Variants in FBXW7 observed in about 807,000 individuals in gnomAD.
FBXW7 encodes the protein F-box/WD repeat-containing protein 7.
In FBXW7, 11 loss-of-function variants were observed where a neutral mutation model predicts 86.3. The observed-to-expected ratio is 0.13, with a 90% confidence interval of 0.08 to 0.21. FBXW7 has a LOEUF of 0.21. Among genes scored for constraint, FBXW7 ranks in the 10% least tolerant of loss-of-function variants. The pLI, the probability that FBXW7 is intolerant of heterozygous loss-of-function variation, is 1.00. For synonymous variants in FBXW7, 313 were observed against 297.9 expected, an observed-to-expected ratio of 1.05 and a Z score of -0.52; for missense variants, 488 against 847.4, an observed-to-expected ratio of 0.58 and a Z score of 5.27.
At position 152,346,893 on chromosome 4, in the gene FBXW7, A is replaced by C. The variant is rs1434179306; in HGVS notation, c.726+37T>G. The C allele has an allele frequency of 5.0e-6, 8 of 1,609,280 alleles. No individual in the cohort carries two copies. In the African/African-American group the frequency reaches 1.1e-4, roughly 22 times the overall value. On this transcript the variant is annotated intron_variant, in intron 6 of 13. Coordinates refer to ENST00000281708, the MANE Select transcript of FBXW7 (RefSeq NM_001349798.2). ...ATAATCCCTTATTTTGCAGCAATTA[A>C]GTGAGGCATTTCAAGTACTATGTTT...
chr4:152,462,083 T>C (rs1056992842), intron 2 of FBXW7, among the ~76,000 whole-genome samples: 2 of 152,178 alleles, frequency 1.3e-5, no homozygotes, highest in Non-Finnish European at 2.9e-5. Context: ...TCTTTCACCT[T>C]CCAGCTGCTT....
At chr4:152,446,038 C>T (rs1741362466) in intron 2 of FBXW7, among the ~76,000 whole-genome samples, 1 of 151,708 alleles carries the variant, frequency 6.6e-6, no homozygotes, top group Non-Finnish European at 1.5e-5. Context: ...CTGCACAGCG[C>T]TTATCTAATA....
At chr4:152,499,323 A>G (rs1746684175) in intron 2 of FBXW7, among the ~76,000 whole-genome samples, 1 of 152,184 alleles carries the variant, frequency 6.6e-6, no homozygotes. Context: ...TCTGATCAAT[A>G]AAGCCTAGGT....
At chr4:152,449,427 T>C (rs1379611038) in intron 2 of FBXW7, among the ~76,000 whole-genome samples, 1 of 152,204 alleles carries the variant, frequency 6.6e-6, no homozygotes, top group Non-Finnish European at 1.5e-5. Flanking sequence ...ATACTTTATG[T>C]AGACTTGAGA....
intron 2 of FBXW7, among the ~76,000 whole-genome samples, chr4:152,520,010 T>C (rs148871424): frequency 9.8e-5 from 15 of 152,360 alleles, no homozygotes; most frequent in Admixed American, 9.8e-4. Flanking sequence ...GGACAGTTCC[T>C]GACATACAGT....
intron 2 of FBXW7, among the ~76,000 whole-genome samples, chr4:152,517,226 A>T (rs572934275): frequency 3.3e-5 from 5 of 152,290 alleles, no homozygotes; most frequent in Admixed American, 1.3e-4. Context: ...TGGTTTTTTT[A>T]AAAAAGTTAA....
intron 2 of FBXW7, among the ~76,000 whole-genome samples, chr4:152,520,991 CAAGAT>C (rs1180532000): frequency 6.6e-6 from 1 of 152,138 alleles, no homozygotes; most frequent in East Asian, 1.9e-4. Flanking sequence ...ACAAAGGTGA[CAAGAT>C]AATGTGTGGT....
intron 2 of FBXW7, among the ~76,000 whole-genome samples, chr4:152,464,243 G>C (rs1329434946): frequency 6.6e-6 from 1 of 152,210 alleles, no homozygotes; most frequent in Non-Finnish European, 1.5e-5. Flanking sequence ...CAACCTTGGA[G>C]ATAATGGGAA....
chr4:152,366,702 C>T (rs946851070), intron 4 of FBXW7, among the ~76,000 whole-genome samples: 2 of 152,080 alleles, frequency 1.3e-5, no homozygotes, highest in Non-Finnish European at 2.9e-5. Flanking sequence ...TAAACTAGTT[C>T]AACCATTGTG....
At chr4:152,508,654 CA>C (rs1206694443) in intron 2 of FBXW7, among the ~76,000 whole-genome samples, 102 of 95,388 alleles carry the variant, frequency 1.1e-3, no homozygotes, top group Admixed American at 1.2e-3. Context: ...CGTGCCACTG[CA>C]AAAAAAAAAA....
At chr4:152,432,965 A>G (rs1342849435) in intron 2 of FBXW7, among the ~76,000 whole-genome samples, 1 of 152,090 alleles carries the variant, frequency 6.6e-6, no homozygotes, top group Non-Finnish European at 1.5e-5. Flanking sequence ...TCATTTTTAT[A>G]TGATGTTTAT....
At chr4:152,464,200 T>C (rs1473192272) in intron 2 of FBXW7, among the ~76,000 whole-genome samples, 2 of 151,522 alleles carry the variant, frequency 1.3e-5, no homozygotes, top group Non-Finnish European at 2.9e-5. Context: ...GAGTAAGAGT[T>C]GAGAAATTGG....
intron 2 of FBXW7, among the ~76,000 whole-genome samples, chr4:152,487,441 T>C (rs1745446067): frequency 6.6e-6 from 1 of 152,072 alleles, no homozygotes; most frequent in South Asian, 2.1e-4. Context: ...TAAATCTTGA[T>C]GTAAATAAAC....
chr4:152,327,964 T>A (rs1486989209), intron 11 of FBXW7, among the ~76,000 whole-genome samples: 1 of 151,654 alleles, frequency 6.6e-6, no homozygotes, highest in Non-Finnish European at 1.5e-5. Flanking sequence ...GGATTAGAGA[T>A]TAGAGAGTAG....
chr4:152,389,831 C>T (rs1193755654), intron 4 of FBXW7, among the ~76,000 whole-genome samples: 1 of 151,924 alleles, frequency 6.6e-6, no homozygotes, highest in African/African-American at 2.4e-5. Flanking sequence ...ATTTGGTGAG[C>T]TTTCCTTTAT....
chr4:152,464,070 G>A (rs991879290), intron 2 of FBXW7, among the ~76,000 whole-genome samples: 4 of 152,180 alleles, frequency 2.6e-5, no homozygotes, highest in African/African-American at 7.2e-5. Context: ...ATAATAGCAT[G>A]TTTACGGCCA....
chr4:152,346,173 G>A (rs558775010), intron 6 of FBXW7, among the ~76,000 whole-genome samples: 1 of 152,194 alleles, frequency 6.6e-6, no homozygotes, highest in Non-Finnish European at 1.5e-5. Flanking sequence ...GGGTTTGGTT[G>A]TAACCAATCT....
intron 2 of FBXW7, among the ~76,000 whole-genome samples, chr4:152,509,249 G>A (rs1435087088): frequency 1.3e-5 from 2 of 152,110 alleles, no homozygotes; most frequent in Non-Finnish European, 1.5e-5. Flanking sequence ...TTACATGAAT[G>A]TTAATCTCCT....
At chr4:152,476,417 T>A (rs1258770398) in intron 2 of FBXW7, among the ~76,000 whole-genome samples, 3 of 152,138 alleles carry the variant, frequency 2.0e-5, no homozygotes, top group Non-Finnish European at 4.4e-5. Flanking sequence ...GATTTTCAAC[T>A]AGGCAAAAAG....
Sources: allele counts gnomAD v4.1 joint callset (sites outside exome capture counted in the v4.1 genomes callset), GRCh38; gene constraint gnomAD v4.1.1; transcripts MANE v1.5; gene names NCBI Gene and HGNC (gene_info 2026-07-23, HGNC 2026-07-21).